The following ARIH1 variants were observed in gnomAD, a reference collection of about 807,000 sequenced individuals.
ARIH1 encodes the protein ariadne RBR E3 ubiquitin protein ligase 1.
Under a neutral mutation model 85.0 loss-of-function variants are expected in ARIH1, and 8 were observed. That is an observed-to-expected ratio of 0.09 (90% CI 0.06 to 0.17). ARIH1 has a LOEUF of 0.17. Ranked by LOEUF, ARIH1 falls within the 10% of genes least tolerant of loss-of-function variation. The probability of loss-of-function intolerance (pLI) is 1.00; values close to 1 mark genes in which losing one functional copy is unlikely to be tolerated. For synonymous variants in ARIH1, 238 were observed against 253.6 expected, an observed-to-expected ratio of 0.94 and a Z score of 0.59; for missense variants, 311 against 718.1, an observed-to-expected ratio of 0.43 and a Z score of 6.48.
At chr15:72,535,953 G>T (rs915898586) in intron 2 of ARIH1, among the ~76,000 whole-genome samples, 5 of 152,116 alleles carry the variant, frequency 3.3e-5, no homozygotes, top group African/African-American at 1.2e-4. Flanking sequence ...GTGGGGCGGG[G>T]GCAGAGAACA....
chr15:72,535,841 G>A (rs1188552902), intron 2 of ARIH1, among the ~76,000 whole-genome samples: 1 of 152,144 alleles, frequency 6.6e-6, no homozygotes, highest in Non-Finnish European at 1.5e-5. Context: ...TTTCTTTGAA[G>A]TAAAAATAGT....
At position 72,599,996 on chromosome 15, in the gene ARIH1, T is replaced by C. The variant is rs1236102919; in HGVS notation, c.*16704T>C. ...GCTGGACTCTCAAGCGTTTGTGGTA[T>C]AGGTTTTGGGAGGACTGGACACTTC... On this transcript the variant is annotated 3_prime_UTR_variant, in exon 14 of 14. Coordinates refer to ENST00000379887, the MANE Select transcript of ARIH1 (RefSeq NM_005744.5). 1 of 152,240 alleles carries C rather than the reference T, an allele frequency of 6.6e-6. No homozygotes were observed. Among genetic ancestry groups the C allele is most frequent in the Non-Finnish European group, 1.5e-5 (1 of 68,052 alleles). 9.4% of individuals were successfully genotyped at this position (152,240 alleles called of 1,614,324 possible).
chr15:72,546,939 G>GT (rs56179610), intron 3 of ARIH1, among the ~76,000 whole-genome samples: 3 of 142,900 alleles, frequency 2.1e-5, no homozygotes, highest in Admixed American at 6.9e-5. Context: ...TTTGGAGGGG[G>GT]GGGGGTGGGA....
chr15:72,558,625 G>A (rs1266164219), intron 5 of ARIH1, among the ~76,000 whole-genome samples: 2 of 152,178 alleles, frequency 1.3e-5, no homozygotes, highest in Non-Finnish European at 2.9e-5. Context: ...AATTTGTGAT[G>A]GTAACAAATC....
At position 72,533,767 on chromosome 15, in the gene ARIH1, C is replaced by T. The variant is rs77712433; in HGVS notation, c.444-11053C>T. ...ACAGAAAATTAAACAATTAGCTATG[C>T]ATGGTGGCATCTGCTTGTAGTCCCA... On this transcript the variant is annotated intron_variant, in intron 2 of 13. Coordinates refer to ENST00000379887, the MANE Select transcript of ARIH1 (RefSeq NM_005744.5). Among the ~76,000 whole-genome samples, 32 of 152,082 alleles carry T rather than the reference C, an allele frequency of 2.1e-4. No individual in the cohort carries two copies. In the East Asian group the frequency reaches 6.0e-3, roughly 29 times the overall value.
At position 72,485,341 on chromosome 15, in the gene ARIH1, G is replaced by T. The variant is rs544057268; in HGVS notation, c.375+10327G>T. 5.9e-5 allele frequency among the ~76,000 whole-genome samples: 9 copies of T among 152,224 alleles called. No homozygotes were observed. In the East Asian group the frequency reaches 1.5e-3, roughly 26 times the overall value. The stretch of plus-strand genomic sequence containing the variant: ...CCCATACCAAGTAAGTGGGTCTCTG[G>T]GGGGTTTGGACCAGGCATTGCCGTT... On this transcript the variant is annotated intron_variant, in intron 1 of 13. Transcript: ENST00000379887.
intron 11 of ARIH1, among the ~76,000 whole-genome samples, chr15:72,575,397 G>A (rs1432752838): frequency 6.6e-6 from 1 of 151,616 alleles, no homozygotes; most frequent in Non-Finnish European, 1.5e-5. Context: ...CAACAACTGA[G>A]ACCCTGTCTC....
chr15:72,513,276 A>G (rs940314951), intron 1 of ARIH1, among the ~76,000 whole-genome samples: 1 of 152,034 alleles, frequency 6.6e-6, no homozygotes, highest in Non-Finnish European at 1.5e-5. Flanking sequence ...TGATATATTT[A>G]TTGGCTTTTT....
intron 2 of ARIH1, among the ~76,000 whole-genome samples, chr15:72,522,995 G>C (rs2140413586): frequency 6.6e-6 from 1 of 152,324 alleles, no homozygotes; most frequent in East Asian, 1.9e-4. Flanking sequence ...ACTACCAAAT[G>C]TGGACCAGGA....
chr15:72,578,639 A>T (rs2064282131), intron 11 of ARIH1, among the ~76,000 whole-genome samples: 1 of 152,138 alleles, frequency 6.6e-6, no homozygotes, highest in African/African-American at 2.4e-5. Context: ...AAACCTCCAA[A>T]AAATATTTCA....
At chr15:72,524,396 G>A (rs2064017739) in intron 2 of ARIH1, among the ~76,000 whole-genome samples, 1 of 150,622 alleles carries the variant, frequency 6.6e-6, no homozygotes, top group Non-Finnish European at 1.5e-5. Context: ...GTATTTTTTG[G>A]TAGAGATGGG....
At chr15:72,556,786 T>C (rs142909760) in intron 5 of ARIH1, among the ~76,000 whole-genome samples, 2 of 152,238 alleles carry the variant, frequency 1.3e-5, no homozygotes, top group African/African-American at 4.8e-5. Context: ...ACTCACTATT[T>C]AGCTCTCACT....
intron 3 of ARIH1, among the ~76,000 whole-genome samples, chr15:72,545,884 A>T (rs2064126794): frequency 1.3e-5 from 2 of 148,248 alleles, no homozygotes; most frequent in South Asian, 4.4e-4. Flanking sequence ...GATTTACTTG[A>T]GTGTTTACTA....
At chr15:72,530,472 A>G (rs929118606) in intron 2 of ARIH1, among the ~76,000 whole-genome samples, 1 of 152,216 alleles carries the variant, frequency 6.6e-6, no homozygotes, top group Non-Finnish European at 1.5e-5. Context: ...GATGATCTTC[A>G]TGTCTTTTGG....
intron 2 of ARIH1, among the ~76,000 whole-genome samples, chr15:72,537,829 C>T (rs979721893): frequency 1.3e-5 from 2 of 152,148 alleles, no homozygotes; most frequent in Non-Finnish European, 2.9e-5. Context: ...ATCCGATACC[C>T]ATAAACTGCC....
chr15:72,566,831 C>T (rs1413609402), intron 8 of ARIH1, among the ~76,000 whole-genome samples: 1 of 152,112 alleles, frequency 6.6e-6, no homozygotes, highest in Non-Finnish European at 1.5e-5. Context: ...CTTTGTCAGG[C>T]TTTGTAATTA....
At chr15:72,500,414 G>T (rs539195657) in intron 1 of ARIH1, among the ~76,000 whole-genome samples, 1 of 152,134 alleles carries the variant, frequency 6.6e-6, no homozygotes, top group South Asian at 2.1e-4. Flanking sequence ...TATTTTTTAA[G>T]TTTCAGCCTT....
intron 2 of ARIH1, among the ~76,000 whole-genome samples, chr15:72,535,142 G>A (rs1186103511): frequency 5.3e-5 from 8 of 150,142 alleles, no homozygotes; most frequent in Non-Finnish European, 1.0e-4. Context: ...TAGTAGAGAC[G>A]GGGTTTCACC....
intron 2 of ARIH1, among the ~76,000 whole-genome samples, chr15:72,535,202 C>G (rs921649284): frequency 6.6e-6 from 1 of 151,874 alleles, no homozygotes; most frequent in African/African-American, 2.4e-5. Flanking sequence ...CCACCCGCCT[C>G]GGCCTCCCAA....
Sources: allele counts gnomAD v4.1 joint callset (sites outside exome capture counted in the v4.1 genomes callset), GRCh38; gene constraint gnomAD v4.1.1; transcripts MANE v1.5; gene names NCBI Gene and HGNC (gene_info 2026-07-23, HGNC 2026-07-21).